Variants in KCNB2 observed in about 807,000 individuals in gnomAD.
KCNB2 encodes the protein delayed rectifier potassium channel protein.
Under a neutral mutation model 61.5 loss-of-function variants are expected in KCNB2, and 15 were observed. The observed-to-expected ratio is 0.24, with a 90% CI of 0.16 to 0.38. The LOEUF (loss-of-function observed/expected upper bound fraction) is 0.38. KCNB2 is among the 10% of genes least tolerant of loss of function. KCNB2 has a pLI of 1.00. For synonymous variants in KCNB2, 457 were observed against 446.0 expected, an observed-to-expected ratio of 1.02 and a Z score of -0.31; for missense variants, 828 against 1,125.2, an observed-to-expected ratio of 0.74 and a Z score of 3.78.
intron 2 of KCNB2, among the ~76,000 whole-genome samples, chr8:72,635,957 A>G (rs938712145): frequency 5.9e-5 from 9 of 152,136 alleles, no homozygotes; most frequent in African/African-American, 2.2e-4. Flanking sequence ...CAGTTTCCTC[A>G]TCGACACATT....
chr8:72,929,313 T>G (rs1806723628), intron 2 of KCNB2, among the ~76,000 whole-genome samples: 1 of 152,116 alleles, frequency 6.6e-6, no homozygotes, highest in East Asian at 1.9e-4. Flanking sequence ...CAAACAGAAA[T>G]CAATACAACC....
intron 2 of KCNB2, among the ~76,000 whole-genome samples, chr8:72,635,983 G>A (rs1404479548): frequency 1.3e-5 from 2 of 152,252 alleles, no homozygotes; most frequent in African/African-American, 4.8e-5. Context: ...GAGTAGTACT[G>A]TACTTTATAG....
At chr8:72,904,521 G>C (rs35268105) in intron 2 of KCNB2, among the ~76,000 whole-genome samples, 3 of 151,956 alleles carry the variant, frequency 2.0e-5, no homozygotes, top group Non-Finnish European at 2.9e-5. Context: ...GAACTTAAAA[G>C]TTGGACATTT....
At position 72,768,694 on chromosome 8, in the gene KCNB2, C is replaced by T. The variant is rs76332178; in HGVS notation, c.580-167241C>T. Among the ~76,000 whole-genome samples, 377 of 152,138 alleles carry T rather than the reference C, an allele frequency of 2.5e-3. 3 individuals carry two copies. The East Asian group carries it at 0.032, about 13-fold the overall frequency. On this transcript the variant is annotated intron_variant, in intron 2 of 2. Transcript: ENST00000523207. ...TTTTCCTAAGAATTTTATAGTGTAT[C>T]TCTCACACTTATTCTATGATTGATT...
In KCNB2 at chr8:72,937,776, A is replaced by G. The variant is rs140054176; in HGVS notation, c.2421A>G (p.Ile807Met). Residue 807 changes from isoleucine (I) to methionine (M), a missense_variant, in exon 3 of 3, where the codon ATA (isoleucine) becomes ATG (methionine). Around this residue, in one of 4 missense-constraint regions of KCNB2, gnomAD observed 559 missense variants for 588.4 expected, o/e 0.95. Transcript: ENST00000523207. Reference sequence around the variant, plus strand: ...GAGAGAGGAGGAGCTTCACTGAAATAGATACTGGTGACGACGAAGACTTCT... The same window carrying G: ...GAGAGAGGAGGAGCTTCACTGAAATGGATACTGGTGACGACGAAGACTTCT... ...SSRERRSFTE[I>M]DTGDDEDFLE... is the part of the protein sequence containing the mutation. The G allele has an allele frequency of 2.5e-5, 40 of 1,614,014 alleles. No individual in the cohort carries two copies. In the African/African-American group the frequency reaches 4.9e-4, roughly 20 times the overall value.
At chr8:72,657,131 A>G (rs1806304211) in intron 2 of KCNB2, among the ~76,000 whole-genome samples, 1 of 152,194 alleles carries the variant, frequency 6.6e-6, no homozygotes, top group Admixed American at 6.6e-5. Flanking sequence ...TGGTAGGCAC[A>G]GTGCAAACTA....
chr8:72,595,514 C>T (rs1302551626), intron 2 of KCNB2, among the ~76,000 whole-genome samples: 9 of 151,870 alleles, frequency 5.9e-5, no homozygotes, highest in South Asian at 2.1e-4. Flanking sequence ...TTAGTAGAGA[C>T]GGAGTTTCAC....
chr8:72,747,024 A>G (rs946127530), intron 2 of KCNB2, among the ~76,000 whole-genome samples: 1 of 152,196 alleles, frequency 6.6e-6, no homozygotes, highest in Middle Eastern at 3.4e-3. Context: ...GGATTTGTTT[A>G]TTGAGATGTA....
At chr8:72,547,110 C>G (rs1339637300) in intron 1 of KCNB2, among the ~76,000 whole-genome samples, 1 of 152,138 alleles carries the variant, frequency 6.6e-6, no homozygotes, top group Non-Finnish European at 1.5e-5. Context: ...AACAATGAAG[C>G]CTGAATGAAC....
intron 2 of KCNB2, among the ~76,000 whole-genome samples, chr8:72,713,036 C>T (rs1336109329): frequency 6.6e-6 from 1 of 152,218 alleles, no homozygotes; most frequent in Non-Finnish European, 1.5e-5. Context: ...CTTGGAGGGT[C>T]CTACGCCCAC....
chr8:72,651,613 G>T (rs1477291047), intron 2 of KCNB2, among the ~76,000 whole-genome samples: 1 of 152,018 alleles, frequency 6.6e-6, no homozygotes, highest in Admixed American at 6.6e-5. Context: ...CCCAGATGTG[G>T]TTCATCCACT....
At chr8:72,856,054 A>G (rs1361311360) in intron 2 of KCNB2, among the ~76,000 whole-genome samples, 1 of 152,208 alleles carries the variant, frequency 6.6e-6, no homozygotes, top group Non-Finnish European at 1.5e-5. Flanking sequence ...TTTTTTGAAC[A>G]GTTTTAATCT....
At chr8:72,904,175 A>C (rs1585965259) in intron 2 of KCNB2, among the ~76,000 whole-genome samples, 1 of 152,146 alleles carries the variant, frequency 6.6e-6, no homozygotes, top group African/African-American at 2.4e-5. Context: ...TGCATCACCA[A>C]TCACTTTCAT....
intron 2 of KCNB2, among the ~76,000 whole-genome samples, chr8:72,898,263 A>G (rs557426387): frequency 1.1e-4 from 16 of 150,188 alleles, no homozygotes; most frequent in African/African-American, 3.6e-4. Context: ...GGACACAGGA[A>G]GGGGAACATC....
In KCNB2 at chr8:72,821,656, A is replaced by AC. The variant is rs1238161875; in HGVS notation, c.580-114279_580-114278insC. Among the ~76,000 whole-genome samples, 457 of 149,632 alleles carry AC rather than the reference A, an allele frequency of 3.1e-3. 5 individuals carry two copies. Among genetic ancestry groups the AC allele is most frequent in the Non-Finnish European group, 5.2e-3 (352 of 67,196 alleles). On this transcript the variant is annotated intron_variant, in intron 2 of 2. Coordinates refer to ENST00000523207, the MANE Select transcript of KCNB2 (RefSeq NM_004770.3). ...CAAAAAAAAACAAAAAAAAAAAAAA[A>AC]AAAACACACACACACCAAGCCCCCA...
intron 2 of KCNB2, among the ~76,000 whole-genome samples, chr8:72,894,663 T>C (rs1444420985): frequency 6.6e-6 from 1 of 152,168 alleles, no homozygotes; most frequent in African/African-American, 2.4e-5. Flanking sequence ...GGCAGCAACA[T>C]CCTTCCCAAT....
At chr8:72,895,963 T>A (rs1805981540) in intron 2 of KCNB2, among the ~76,000 whole-genome samples, 1 of 152,202 alleles carries the variant, frequency 6.6e-6, no homozygotes. Context: ...TATAACTATT[T>A]AAGTTGTTAT....
At chr8:72,752,316 A>T (rs562437925) in intron 2 of KCNB2, among the ~76,000 whole-genome samples, 2 of 152,284 alleles carry the variant, frequency 1.3e-5, no homozygotes, top group East Asian at 3.9e-4. Context: ...AGGTACCCAG[A>T]TGTCTAGTTT....
intron 2 of KCNB2, among the ~76,000 whole-genome samples, chr8:72,838,483 T>A (rs1288163570): frequency 6.6e-6 from 1 of 152,238 alleles, no homozygotes; most frequent in Non-Finnish European, 1.5e-5. Context: ...GGTATATATG[T>A]GCCACATTTT....
Sources: allele counts gnomAD v4.1 joint callset (sites outside exome capture counted in the v4.1 genomes callset), GRCh38; gene constraint gnomAD v4.1.1; regional missense constraint gnomAD v4.1.1; transcripts MANE v1.5; gene names NCBI Gene and HGNC (gene_info 2026-07-23, HGNC 2026-07-21).